TMEM132D: variants seen among roughly 807,000 people sequenced by gnomAD.
The protein encoded by TMEM132D is mature OL transmembrane protein.
Under a neutral mutation model 62.3 loss-of-function variants are expected in TMEM132D, and 21 were observed. The observed-to-expected ratio is 0.34, with a 90% CI of 0.24 to 0.49. TMEM132D has a LOEUF of 0.49. Ranked by LOEUF, TMEM132D falls within the 20% of genes least tolerant of loss-of-function variation. The probability of loss-of-function intolerance (pLI) is 0.99; values close to 1 mark genes in which losing one functional copy is unlikely to be tolerated. For missense variants in TMEM132D, 1,346 were observed against 1,402.8 expected (o/e 0.96, Z 0.65); for synonymous variants, 621 against 575.6 (o/e 1.08, Z -1.13).
At chr12:129,238,466 AAAC>A (rs1879844888) in intron 4 of TMEM132D, among the ~76,000 whole-genome samples, 1 of 152,190 alleles carries the variant, frequency 6.6e-6, no homozygotes, top group Admixed American at 6.5e-5. Flanking sequence ...TACTCACATT[AAAC>A]AACAACTTCC....
intron 3 of TMEM132D, among the ~76,000 whole-genome samples, chr12:129,409,083 C>A (rs1207837401): frequency 1.3e-5 from 2 of 152,106 alleles, no homozygotes; most frequent in Admixed American, 6.5e-5. Flanking sequence ...CACGCACCCA[C>A]CACCATGCCT....
chr12:129,569,099 A>G (rs1225287819), intron 2 of TMEM132D, among the ~76,000 whole-genome samples: 2 of 152,208 alleles, frequency 1.3e-5, no homozygotes, highest in African/African-American at 2.4e-5. Context: ...GTGAGATAAC[A>G]TGGTTAGCTG....
At chr12:129,655,962 C>T in intron 2 of TMEM132D, among the ~76,000 whole-genome samples, 1 of 152,162 alleles carries the variant, frequency 6.6e-6, no homozygotes, top group East Asian at 1.9e-4. Flanking sequence ...TCTTTCGGTT[C>T]CTCTCAAGGC....
chr12:129,244,107 C>A (rs999093370), intron 4 of TMEM132D, among the ~76,000 whole-genome samples: 2 of 152,084 alleles, frequency 1.3e-5, no homozygotes, highest in Admixed American at 1.3e-4. Flanking sequence ...TTATTCCGGC[C>A]GGGTGCGGTG....
intron 1 of TMEM132D, among the ~76,000 whole-genome samples, chr12:129,844,341 C>G (rs542495382): frequency 7.9e-5 from 12 of 152,214 alleles, no homozygotes; most frequent in African/African-American, 2.9e-4. Context: ...AAGAGGTGAG[C>G]CTGCAAGTCA....
chr12:129,733,972 C>T (rs910285281), intron 1 of TMEM132D, among the ~76,000 whole-genome samples: 7 of 152,114 alleles, frequency 4.6e-5, no homozygotes, highest in African/African-American at 7.2e-5. Context: ...CAAGGTACAA[C>T]GGAAGAACTA....
chr12:129,594,893 A>G (rs552009931), intron 2 of TMEM132D, among the ~76,000 whole-genome samples: 1 of 152,314 alleles, frequency 6.6e-6, no homozygotes, highest in Admixed American at 6.5e-5. Context: ...ACCACTTCCC[A>G]TGGCACTCAG....
At chr12:129,801,942 T>C (rs897192944) in intron 1 of TMEM132D, among the ~76,000 whole-genome samples, 2 of 151,148 alleles carry the variant, frequency 1.3e-5, no homozygotes, top group Admixed American at 6.6e-5. Flanking sequence ...GTATCAGCGA[T>C]GGAAGATGAA....
chr12:129,504,155 T>TCATCAC (rs1361251560), intron 3 of TMEM132D, among the ~76,000 whole-genome samples: 2 of 152,108 alleles, frequency 1.3e-5, no homozygotes, highest in African/African-American at 4.8e-5. Context: ...ACCGTCATCA[T>TCATCAC]CATCACCATC....
chr12:129,371,611 G>GTGA lies in TMEM132D; in HGVS notation c.1116-33797_1116-33795dup, dbSNP rs1175228840. 1.3e-5 allele frequency among the ~76,000 whole-genome samples: 2 copies of GTGA among 151,446 alleles called. No homozygotes were observed. The highest frequency in any genetic ancestry group is 2.9e-5 in the Non-Finnish European group (2 of 67,876). ...GTAACAATGATCATGGCAGATTGTG[G>GTGA]TGATGATGATGGTGGTGATGGTGAT... On this transcript the variant is annotated intron_variant, in intron 3 of 8. Coordinates refer to ENST00000422113, the MANE Select transcript of TMEM132D (RefSeq NM_133448.3). This position sits in a 1 kb window ranked among gnomAD's most constrained non-coding sequence, Gnocchi z 4.3.
At chr12:129,516,715 A>G (rs1875694424) in intron 3 of TMEM132D, among the ~76,000 whole-genome samples, 1 of 152,166 alleles carries the variant, frequency 6.6e-6, no homozygotes, top group Non-Finnish European at 1.5e-5. Flanking sequence ...GAACTGAACT[A>G]AGGGGATGTA....
chr12:129,752,491 A>G (rs975794531), intron 1 of TMEM132D, among the ~76,000 whole-genome samples: 17 of 152,236 alleles, frequency 1.1e-4, no homozygotes, highest in African/African-American at 4.1e-4. Context: ...TTATGTCCAC[A>G]TGAGCTCTGT....
intron 1 of TMEM132D, among the ~76,000 whole-genome samples, chr12:129,718,980 T>TA (rs1279647601): frequency 1.3e-5 from 2 of 151,152 alleles, no homozygotes; most frequent in South Asian, 2.1e-4. Flanking sequence ...CTCATGCCTG[T>TA]AATCCCAGCA....
chr12:129,490,423 CTTTTTTTTTTTTTTT>C (rs11311745), intron 3 of TMEM132D, among the ~76,000 whole-genome samples: 1 of 58,552 alleles, frequency 1.7e-5, no homozygotes, highest in Admixed American at 2.7e-4. Context: ...ATTTCCTTTC[CTTTTTTTTTTTTTTT>C]TTTTTTTTTT....
chr12:129,828,414 A>AAAT (rs1256995583), intron 1 of TMEM132D, among the ~76,000 whole-genome samples: 2 of 152,026 alleles, frequency 1.3e-5, no homozygotes, highest in Non-Finnish European at 2.9e-5. Flanking sequence ...TTATCTTTAT[A>AAAT]AATAATGTTA....
At chr12:129,412,616 G>A (rs1872000861) in intron 3 of TMEM132D, among the ~76,000 whole-genome samples, 1 of 152,174 alleles carries the variant, frequency 6.6e-6, no homozygotes, top group African/African-American at 2.4e-5. Flanking sequence ...CAGCACTTCA[G>A]GAGGCCAAGG....
intron 3 of TMEM132D, among the ~76,000 whole-genome samples, chr12:129,370,210 C>T (rs541014816): frequency 2.6e-4 from 39 of 152,328 alleles, no homozygotes; most frequent in Middle Eastern, 3.4e-3. Context: ...AGCCTTCACA[C>T]AGGAATTGAC....
intron 2 of TMEM132D, among the ~76,000 whole-genome samples, chr12:129,582,938 G>GTT (rs1024386849): frequency 9.5e-5 from 14 of 148,026 alleles, no homozygotes; most frequent in African/African-American, 3.5e-4. Flanking sequence ...TTTGTTTTTT[G>GTT]TTTTGTTTTG....
rs375868329 is a variant in TMEM132D, at chr12:129,636,737, T to TGTGTGTGTGTGAGAGAGAGA, written c.968+63072_968+63073insTCTCTCTCTCACACACACAC. 4.4e-4 allele frequency among the ~76,000 whole-genome samples: 50 copies of TGTGTGTGTGTGAGAGAGAGA among 113,624 alleles called. 1 individual carries two copies. Among genetic ancestry groups the TGTGTGTGTGTGAGAGAGAGA allele is most frequent in the Admixed American group, 1.4e-3 (14 of 10,084 alleles). The allele number at this position is 113,624 out of a possible 152,430, so 74.5% of individuals were successfully genotyped here. On this transcript the variant is annotated intron_variant, in intron 2 of 8. Coordinates refer to ENST00000422113, the MANE Select transcript of TMEM132D (RefSeq NM_133448.3). ...GTGTGTGTGTGTGTGTGTGTGTGTG[T>TGTGTGTGTGTGAGAGAGAGA]GAGAGAGAGAGAGAGAGAGACAGAG...
Sources: gnomAD v4.1 joint callset for allele counts (sites outside exome capture counted in the v4.1 genomes callset) on GRCh38, gnomAD v4.1.1 for gene constraint, Gnocchi (gnomAD v3.1) non-coding constraint, MANE v1.5 for transcripts, NCBI Gene and HGNC (gene_info 2026-07-23, HGNC 2026-07-21) for gene names.